FREM1: variants seen among roughly 807,000 people sequenced by gnomAD.
FREM1 encodes FRAS1-related extracellular matrix protein 1.
Under a neutral mutation model 210.1 loss-of-function variants are expected in FREM1, and 220 were observed. That is an observed-to-expected ratio of 1.05 (90% CI 0.94 to 1.17). The LOEUF is 1.17. Ranked by LOEUF, FREM1 falls within the 50% of genes most tolerant of loss-of-function variation. The pLI is 0.00. For synonymous variants in FREM1, 1,189 were observed against 980.2 expected, an observed-to-expected ratio of 1.21 and a Z score of -3.98; for missense variants, 3,454 against 2,675.5, an observed-to-expected ratio of 1.29 and a Z score of -6.42.
intron 1 of FREM1, among the ~76,000 whole-genome samples, chr9:14,907,978 G>A (rs952530454): frequency 6.6e-6 from 1 of 152,324 alleles, no homozygotes; most frequent in Non-Finnish European, 1.5e-5. Flanking sequence ...GACCCTGCCT[G>A]TGCATGCCAT....
At position 14,776,171 on chromosome 9, in the gene FREM1, T is replaced by C. The variant is rs1321733068; in HGVS notation, c.4475A>G (p.His1492Arg). The stretch of plus-strand genomic sequence containing the variant: ...CTCCAGTGTGATCTCAAACACCCCG[T>C]GCTCGGTCCGCAGTCCATTGCTGAT... Reference protein sequence around the residue: ...FIISNGLRTEHGVFEITLETV... With the variant: ...FIISNGLRTERGVFEITLETV... Residue 1492 changes from histidine (H) to arginine (R), a missense_variant, in exon 25 of 37, where the codon CAC becomes CGC. Transcript: ENST00000380880. The C allele has an allele frequency of 6.5e-7, 1 of 1,539,970 alleles. No homozygotes were observed. The highest frequency in any genetic ancestry group is 1.4e-5 in the African/African-American group (1 of 72,840).
intron 10 of FREM1, among the ~76,000 whole-genome samples, chr9:14,828,711 T>C (rs1822976272): frequency 6.6e-6 from 1 of 151,932 alleles, no homozygotes. Flanking sequence ...AATAAATTTC[T>C]ATTATTTCTA....
rs771467095 is a variant in FREM1, at chr9:14,846,035, C to T, written c.1318G>A (p.Val440Ile). 1.4e-5 allele frequency: 23 copies of T among 1,609,700 alleles called. No homozygotes were observed. The highest frequency in any genetic ancestry group is 2.0e-5 in the Non-Finnish European group (23 of 1,177,782). ...ACAGCACCAATGTCGTCATTGTCGA[C>T]AACCTGAAACTGTTCCCAAGTGATG... ...RAITWEQFQVVDNDDIGAVRL... is the reference protein window; with the variant it reads ...RAITWEQFQVIDNDDIGAVRL... The change falls in exon 8 of 37, where the codon GTC becomes ATC. Residue 440 changes from valine (V) to isoleucine (I), a missense_variant. Physicochemically the swap from Val to Ile is conservative, Grantham distance 29. Transcript: ENST00000380880.
At chr9:14,810,728 A>T (rs964354373) in intron 16 of FREM1, among the ~76,000 whole-genome samples, 1 of 152,236 alleles carries the variant, frequency 6.6e-6, no homozygotes, top group Non-Finnish European at 1.5e-5. Flanking sequence ...GATAATCTAA[A>T]TGATAAAAGT....
intron 30 of FREM1, 70 bp from the exon 31 acceptor site, chr9:14,748,709 G>A (rs1156598542): frequency 2.1e-6 from 2 of 955,612 alleles, no homozygotes; most frequent in Admixed American, 4.3e-5. Flanking sequence ...CATTGACACA[G>A]CTCCTGGAGC....
At chr9:14,789,850 G>C (rs1563932712) in intron 22 of FREM1, among the ~76,000 whole-genome samples, 1 of 152,092 alleles carries the variant, frequency 6.6e-6, no homozygotes, top group African/African-American at 2.4e-5. Context: ...ACAACTGACA[G>C]TGTTAGAAAA....
chr9:14,851,596 C>A lies in FREM1; in HGVS notation c.840G>T (p.Ala280=). Residue 280 remains alanine (A), a synonymous_variant, in exon 6 of 37, where the codon GCG becomes GCT. Coordinates refer to ENST00000380880, the MANE Select transcript of FREM1 (RefSeq NM_001379081.2). ...CAGCTCTGATATAGACAGGCAGCCA[C>A]GCACTCTCTGACTTTTGAAGGATAG... is the stretch of plus-strand genomic sequence containing the variant. The part of the protein sequence containing the change: ...RSKIVYKSES[A]WLPVYIRAGI... 1.2e-6 allele frequency: 2 copies of A among 1,612,660 alleles called. No individual in the cohort carries two copies. The highest frequency in any genetic ancestry group is 1.7e-6 in the Non-Finnish European group (2 of 1,178,756).
intron 10 of FREM1, among the ~76,000 whole-genome samples, chr9:14,832,106 CT>C: frequency 6.6e-6 from 1 of 152,314 alleles, no homozygotes; most frequent in South Asian, 2.1e-4. Context: ...GACCTTGAAA[CT>C]TTGAAGAAAA....
chr9:14,831,602 T>C (rs1823564526), intron 10 of FREM1, among the ~76,000 whole-genome samples: 1 of 152,242 alleles, frequency 6.6e-6, no homozygotes. Flanking sequence ...TTCTGGAAGT[T>C]AACCAGAACC....
Position 14,819,307 on chromosome 9 carries a change from C to A in FREM1, c.2473G>T (p.Val825Leu). The A allele has an allele frequency of 6.2e-7, 1 of 1,613,970 alleles. No individual in the cohort carries two copies. The highest frequency in any genetic ancestry group is 2.2e-5 in the East Asian group (1 of 44,878). ...SLRELPLHGR[V>L]ELNGFPLNSG... ...TTTAGAGGAAATCCATTCAGCTCCA[C>A]CCTTCCGTGCAGAGGCAATTCCCGC... The change falls in exon 14 of 37, where the codon GTG becomes TTG. Residue 825 changes from valine (V) to leucine (L), a missense_variant. Transcript: ENST00000380880.
At chr9:14,798,764 C>T (rs1852927343) in intron 20 of FREM1, among the ~76,000 whole-genome samples, 1 of 152,092 alleles carries the variant, frequency 6.6e-6, no homozygotes, top group Non-Finnish European at 1.5e-5. Flanking sequence ...ACATCTACCT[C>T]CTGGGTTCAA....
At position 14,882,592 on chromosome 9, in the gene FREM1, T is replaced by C. The variant is rs12001761; in HGVS notation, c.-267-13348A>G. Among the ~76,000 whole-genome samples, 1,176 of 151,362 alleles carry C rather than the reference T, an allele frequency of 7.8e-3. 14 individuals are homozygous for C. The highest frequency in any genetic ancestry group is 0.027 in the African/African-American group (1,133 of 41,302). ...GCCTCAGCCTCCCTAGCAGCTGGGA[T>C]TACAGGTGCCCGCCACTACGCCTGG... On this transcript the variant is annotated intron_variant, in intron 1 of 36. Transcript: ENST00000380880.
chr9:14,820,133 G>A (rs570118291), intron 13 of FREM1, among the ~76,000 whole-genome samples: 6 of 152,188 alleles, frequency 3.9e-5, no homozygotes, highest in Non-Finnish European at 8.8e-5. Context: ...CTCATTGGGA[G>A]GGAGCAATAA....
chr9:14,747,932 T>C (rs1280503315), intron 31 of FREM1, among the ~76,000 whole-genome samples: 2 of 152,222 alleles, frequency 1.3e-5, no homozygotes, highest in Non-Finnish European at 2.9e-5. Context: ...GATTCACACA[T>C]ACAGAGTTCC....
chr9:14,813,732 C>T (rs777711953), intron 15 of FREM1, among the ~76,000 whole-genome samples: 1 of 151,342 alleles, frequency 6.6e-6, no homozygotes, highest in Admixed American at 6.6e-5. Flanking sequence ...TTAAAAAGAT[C>T]GTGTAGAAAT....
intron 18 of FREM1, among the ~76,000 whole-genome samples, chr9:14,805,605 G>A (rs1484301028): frequency 6.6e-6 from 1 of 152,234 alleles, no homozygotes. Flanking sequence ...GCTGGATTGA[G>A]TGGAATTAGC....
At chr9:14,763,866 G>A (rs2132345334) in intron 27 of FREM1, among the ~76,000 whole-genome samples, 1 of 152,282 alleles carries the variant, frequency 6.6e-6, no homozygotes, top group South Asian at 2.1e-4. Context: ...CAGGTGTCTT[G>A]TAGAGCATCT....
rs953666889 is a variant in FREM1 at position 14,882,100 on chromosome 9, C to T, written c.-267-12856G>A. 1.3e-5 allele frequency among the ~76,000 whole-genome samples: 2 copies of T among 148,228 alleles called. 1 individual carries two copies. The highest frequency in any genetic ancestry group is 4.3e-4 in the South Asian group (2 of 4,648). On this transcript the variant is annotated intron_variant, in intron 1 of 36. Coordinates refer to ENST00000380880, the MANE Select transcript of FREM1 (RefSeq NM_001379081.2). ...GTAAACTTCTTTCCTATTTAACTCACTGTTATTATTTTGTGTGTGTGTGTG... is the reference window on the plus strand; with the variant it reads ...GTAAACTTCTTTCCTATTTAACTCATTGTTATTATTTTGTGTGTGTGTGTG...
rs142495666 is a variant in FREM1, at chr9:14,809,167, A to G, written c.2894-1033T>C. 1.8e-3 allele frequency among the ~76,000 whole-genome samples: 274 copies of G among 152,292 alleles called. 1 individual carries two copies. Among genetic ancestry groups the G allele is most frequent in the African/African-American group, 6.2e-3 (256 of 41,572 alleles). ...TTAAAAATGGGAGTTTCCCTGCACA[A>G]GCTCTCTTTGCTTGCTGCCATCCAT... On this transcript the variant is annotated intron_variant, in intron 16 of 36. Coordinates refer to ENST00000380880, the MANE Select transcript of FREM1 (RefSeq NM_001379081.2).
Sources: gnomAD v4.1 joint callset for allele counts (sites outside exome capture counted in the v4.1 genomes callset) on GRCh38, gnomAD v4.1.1 for gene constraint, MANE v1.5 for transcripts, NCBI Gene and HGNC (gene_info 2026-07-23, HGNC 2026-07-21) for gene names.